Variants in CSF2RA observed in about 807,000 individuals in gnomAD.
The protein encoded by CSF2RA is colony stimulating factor 2 receptor subunit alpha.
In CSF2RA, 42 loss-of-function variants were observed where a neutral mutation model predicts 51.6. The observed-to-expected ratio is 0.81, with a 90% CI of 0.64 to 1.05. The LOEUF (loss-of-function observed/expected upper bound fraction) is 1.05. CSF2RA is among the 50% of genes least tolerant of loss of function. The pLI is 0.00. For synonymous variants in CSF2RA, 222 were observed against 193.0 expected (o/e 1.15, Z -1.24); for missense variants, 530 against 501.1 (o/e 1.06, Z -0.55).
At chrX:1,286,245 C>G (rs1434765455) in intron 4 of CSF2RA, among the ~76,000 whole-genome samples, 2 of 151,750 alleles carry the variant, frequency 1.3e-5, no homozygotes, top group Non-Finnish European at 2.9e-5. Context: ...TGCACTCCAG[C>G]CTGGGTGACA....
intron 2 of CSF2RA, among the ~76,000 whole-genome samples, chrX:1,280,853 T>TCTC (rs375893469): frequency 0.65 from 49,482 of 76,410 alleles, 15,446 homozygotes; most frequent in African/African-American, 0.82. Context: ...TTCCTCTCCT[T>TCTC]CTCCTCCTCC....
At chrX:1,322,439 G>GTTTTTT in the CSF2RA span, among the ~76,000 whole-genome samples, 37 of 120,672 alleles carry the variant, frequency 3.1e-4, no homozygotes, top group African/African-American at 5.7e-4. Flanking sequence ...GTGTGTGTTT[G>GTTTTTT]TTTTTTTTTT....
At chrX:1,301,164 G>GA (rs367840456) in intron 10 of CSF2RA, among the ~76,000 whole-genome samples, 15,301 of 112,626 alleles carry the variant, frequency 0.14, 1,000 homozygotes, top group Non-Finnish European at 0.16. Flanking sequence ...AAAAAAAAAA[G>GA]AAAAAAAAAT....
At chrX:1,305,377 A>T in intron 11 of CSF2RA, 69 bp from the exon 12 acceptor site, 1 of 1,551,560 alleles carries the variant, frequency 6.4e-7, no homozygotes, top group Non-Finnish European at 8.9e-7. Context: ...CCCTCGGCAC[A>T]GGGCGTTGAT....
chrX:1,285,810 AATGTG>A lies in CSF2RA; in HGVS notation c.111_115del (p.Asn37LysfsTer3). 1 of 1,613,552 alleles carries A rather than the reference AATGTG, an allele frequency of 6.2e-7. No homozygotes were observed. Among genetic ancestry groups the A allele is most frequent in the Non-Finnish European group, 8.5e-7 (1 of 1,179,810 alleles). Reference sequence around the variant, plus strand: ...AACAGTGGCACCAGCCTCTAGTCTCAATGTGAGGTTTGACTCCAGGACGATGAATT... The same window carrying A: ...AACAGTGGCACCAGCCTCTAGTCTCAAGGTTTGACTCCAGGACGATGAATT... On this transcript the variant is annotated frameshift_variant, in exon 4 of 13. Transcript: ENST00000381529. LOFTEE classifies it high-confidence loss of function.
chrX:1,317,821 G>T, the CSF2RA span, among the ~76,000 whole-genome samples: 1 of 151,078 alleles, frequency 6.6e-6, no homozygotes, highest in African/African-American at 2.4e-5. Context: ...TTGAGGGAAA[G>T]TAAGAGATTG....
chrX:1,321,439 A>G, the CSF2RA span, among the ~76,000 whole-genome samples: 1 of 151,918 alleles, frequency 6.6e-6, no homozygotes, highest in Non-Finnish European at 1.5e-5. Flanking sequence ...ACTGCACTCC[A>G]GCCTGGGTGA....
At chrX:1,288,207 C>T (rs1479233398) in intron 4 of CSF2RA, among the ~76,000 whole-genome samples, 2 of 151,510 alleles carry the variant, frequency 1.3e-5, no homozygotes, top group Non-Finnish European at 2.9e-5. Context: ...CATGGCCGGG[C>T]ATGGTGGCTC....
chrX:1,308,745 C>T (rs1475867921), intron 12 of CSF2RA, among the ~76,000 whole-genome samples: 2 of 152,158 alleles, frequency 1.3e-5, no homozygotes, highest in African/African-American at 2.4e-5. Context: ...CCAGGGGTCC[C>T]CCACATCGAG....
Position 1,306,528 on chromosome X carries a change from T to C in CSF2RA, c.1125+1001T>C, listed in dbSNP as rs2083585672. ...CAGGTGTGGTGGCGCACACCTGTAA[T>C]CCCACCTACTCTGGAGGCTGAGGCA... On this transcript the variant is annotated intron_variant, in intron 12 of 12. Coordinates refer to ENST00000381529, the MANE Select transcript of CSF2RA (RefSeq NM_172245.4). 1.3e-5 allele frequency among the ~76,000 whole-genome samples: 2 copies of C among 151,514 alleles called. 1 individual carries two copies. Among genetic ancestry groups the C allele is most frequent in the South Asian group, 4.2e-4 (2 of 4,796 alleles).
intron 2 of CSF2RA, among the ~76,000 whole-genome samples, chrX:1,281,204 ACTC>A (rs1401426500): frequency 2.8e-4 from 7 of 25,186 alleles, no homozygotes; most frequent in African/African-American, 1.0e-3. Context: ...TCCTTCTCCT[ACTC>A]CTCCTTCTCC....
chrX:1,299,876 C>G (rs1260640278), intron 9 of CSF2RA, among the ~76,000 whole-genome samples: 3 of 151,682 alleles, frequency 2.0e-5, no homozygotes, highest in African/African-American at 7.3e-5. Flanking sequence ...CCAGATCATG[C>G]CATTGCACTC....
rs188849065 is a variant in CSF2RA at position 1,275,133 on chromosome X, C to T, written c.-27+315C>T. ...GCCGGCCGGGCGCAGTGGCTCAAGC[C>T]TGTAATCCCAGCACTGTGGGAGGCT... On this transcript the variant is annotated intron_variant, in intron 2 of 12. Coordinates refer to ENST00000381529, the MANE Select transcript of CSF2RA (RefSeq NM_172245.4). Among the ~76,000 whole-genome samples, 72 of 151,160 alleles carry T rather than the reference C, an allele frequency of 4.8e-4. No homozygotes were observed. In the East Asian group the frequency reaches 0.01, roughly 22 times the overall value.
chrX:1,308,738 G>A (rs2083927250), intron 12 of CSF2RA, among the ~76,000 whole-genome samples: 1 of 152,044 alleles, frequency 6.6e-6, no homozygotes, highest in Non-Finnish European at 1.5e-5. Flanking sequence ...CTGACCCCCA[G>A]GGGTCCCCCA....
rs1569497604 is a variant in CSF2RA at position 1,285,721 on chromosome X, AAAAAAAAAAAG to A, written c.77-56_77-46del. 1,603 of 987,040 alleles carry A rather than the reference AAAAAAAAAAAG, an allele frequency of 1.6e-3. 43 individuals are homozygous for A. The highest frequency in any genetic ancestry group is 2.0e-3 in the Non-Finnish European group (1,403 of 699,678). The allele number at this position is 987,040 out of a possible 1,614,324, so 61.1% of individuals were successfully genotyped here. On this transcript the variant is annotated intron_variant, in intron 3 of 12. Coordinates refer to ENST00000381529, the MANE Select transcript of CSF2RA (RefSeq NM_172245.4). ...CGTCTCAAAAAAAAAAAAAAAAAAA[AAAAAAAAAAAG>A]GAAAAGAAAAGAGGAAATTCTGAAC...
chrX:1,324,223 G>C, the CSF2RA span, among the ~76,000 whole-genome samples: 6 of 150,626 alleles, frequency 4.0e-5, no homozygotes, highest in Admixed American at 6.7e-5. Context: ...GCCAGGAGGG[G>C]TGATTCACGC....
chrX:1,290,372 A>G lies in CSF2RA; in HGVS notation c.509A>G (p.Gln170Arg). ...RREIRCPYYI[Q>R]DSGTHVGCHL... ...GAGATCCGGTGTCCTTATTACATAC[A>G]AGACTCAGGAACCCATGTGGGATGT... The change falls in exon 7 of 13, where the codon CAA becomes CGA. Residue 170 changes from glutamine to arginine, a missense_variant. Transcript: ENST00000381529. The G allele has an allele frequency of 1.2e-6, 2 of 1,613,696 alleles. No individual in the cohort carries two copies. Among genetic ancestry groups the G allele is most frequent in the Non-Finnish European group, 1.7e-6 (2 of 1,179,706 alleles).
chrX:1,322,339 C>T, the CSF2RA span, among the ~76,000 whole-genome samples: 1 of 150,714 alleles, frequency 6.6e-6, no homozygotes, highest in Non-Finnish European at 1.5e-5. Flanking sequence ...CTCTCGATCT[C>T]CTGACCTCGT....
At chrX:1,302,608 G>A (rs1479448273) in intron 10 of CSF2RA, among the ~76,000 whole-genome samples, 3 of 152,032 alleles carry the variant, frequency 2.0e-5, no homozygotes, top group East Asian at 1.9e-4. Context: ...GGGTTCAAGC[G>A]ATTCTCCTGC....
Sources: allele counts gnomAD v4.1 joint callset (sites outside exome capture counted in the v4.1 genomes callset), GRCh38; gene constraint gnomAD v4.1.1; transcripts MANE v1.5; gene names NCBI Gene and HGNC (gene_info 2026-07-23, HGNC 2026-07-21).